The following HNRNPA2B1 variants were observed in gnomAD, a reference collection of about 807,000 sequenced individuals.
HNRNPA2B1 encodes the protein heterogeneous nuclear ribonucleoproteins A2/B1.
A neutral mutation model predicts 46.3 loss-of-function variants in HNRNPA2B1; 3 were observed. The observed-to-expected ratio is 0.06, with a 90% CI of 0.03 to 0.17. The LOEUF is 0.17. HNRNPA2B1 is among the 10% of genes least tolerant of loss of function. The pLI, the probability that HNRNPA2B1 is intolerant of heterozygous loss-of-function variation, is 1.00. For synonymous variants in HNRNPA2B1, 225 were observed against 133.8 expected (o/e 1.68, Z -4.70); for missense variants, 221 against 418.9 (o/e 0.53, Z 4.12).
rs756219376 is a variant in HNRNPA2B1, at chr7:26,192,507, GGAA to G, written c.*6_*8del. 21 of 1,610,878 alleles carry G rather than the reference GGAA, an allele frequency of 1.3e-5. No homozygotes were observed. The highest frequency in any genetic ancestry group is 1.7e-5 in the Admixed American group (1 of 59,998). ...AAAAGCTACTTACCCATGGCAAATA[GGAA>G]GAAGCTCAGTATCGGCTCCTCCCAC... On this transcript the variant is annotated 3_prime_UTR_variant, in exon 10 of 11. Transcript: ENST00000618183.
At chr7:26,196,733 A>T in intron 4 of HNRNPA2B1, 74 bp downstream of exon 4, 4 of 1,562,242 alleles carry the variant, frequency 2.6e-6, no homozygotes, top group Non-Finnish European at 3.5e-6. Flanking sequence ...ACCTTTCAAT[A>T]AAGTTACAGA....
At chr7:26,195,442 T>C (rs1783453669) in intron 7 of HNRNPA2B1, among the ~76,000 whole-genome samples, 1 of 152,274 alleles carries the variant, frequency 6.6e-6, no homozygotes, top group African/African-American at 2.4e-5. Flanking sequence ...TTACGCTTTT[T>C]GAAAGTTATC....
In HNRNPA2B1 at chr7:26,192,802, C is replaced by T. The variant is rs1451729247; in HGVS notation, c.965-225G>A. The stretch of plus-strand genomic sequence containing the variant: ...TCTTTTAAATAAAGGGTCCTTTCAC[C>T]CTCTCATCCTCATTTGGACTGAGTA... On this transcript the variant is annotated intron_variant, in intron 9 of 10. Coordinates refer to ENST00000618183, the MANE Select transcript of HNRNPA2B1 (RefSeq NM_002137.4). 2.0e-5 allele frequency among the ~76,000 whole-genome samples: 3 copies of T among 152,074 alleles called. No individual in the cohort carries two copies. In the East Asian group the frequency reaches 5.8e-4, roughly 29 times the overall value.
rs1784334539 is a variant in HNRNPA2B1, at chr7:26,200,681, C to T, written c.-104G>A. The T allele has an allele frequency of 4.2e-6, 6 of 1,422,948 alleles. No individual in the cohort carries two copies. Among genetic ancestry groups the T allele is most frequent in the Non-Finnish European group, 4.9e-6 (5 of 1,011,482 alleles). The allele number at this position is 1,422,948 out of a possible 1,614,324, so 88.1% of individuals were successfully genotyped here. A position where few individuals can be genotyped will look rare whatever the true frequency, so the allele number is the denominator to read the frequency against. ...ACTCGTCCTGGCGCTGTAGTGAGAA[C>T]TGCCGCTGCTCGAGAAACAACTCTG... On this transcript the variant is annotated 5_prime_UTR_variant, in exon 1 of 11. Coordinates refer to ENST00000618183, the MANE Select transcript of HNRNPA2B1 (RefSeq NM_002137.4).
At chr7:26,197,051 A>G (rs773736573) in intron 3 of HNRNPA2B1, 34 bp from the exon 4 acceptor site, 7 of 1,520,716 alleles carry the variant, frequency 4.6e-6, no homozygotes, top group African/African-American at 1.4e-5. Flanking sequence ...TCATCCAAAC[A>G]GAAAAAAACA....
rs772219484 is a variant in HNRNPA2B1, at chr7:26,191,410, A to G, written c.*950T>C. 3 of 152,204 alleles carry G rather than the reference A, an allele frequency of 2.0e-5. No individual in the cohort carries two copies. Among genetic ancestry groups the G allele is most frequent in the Non-Finnish European group, 4.4e-5 (3 of 68,014 alleles). The allele number at this position is 152,204 out of a possible 1,614,324, so 9.4% of individuals were successfully genotyped here. A position where few individuals can be genotyped will look rare whatever the true frequency, so the allele number is the denominator to read the frequency against. ...AGGAAAATTAAGAAAGGAAAAGTAA[A>G]TAAGATCTTACCTAAAGAAGTTTAA... On this transcript the variant is annotated 3_prime_UTR_variant, in exon 11 of 11. Transcript: ENST00000618183.
chr7:26,197,935 C>A (rs1783831194), intron 1 of HNRNPA2B1: 1 of 1,058,378 alleles, frequency 9.4e-7, no homozygotes, highest in East Asian at 2.8e-5. Flanking sequence ...TTGTGTTACA[C>A]CAAAAAATTG....
rs1405699696 is a variant in HNRNPA2B1, at chr7:26,190,561, G to A, written c.*1799C>T. ...GTCTTAGGATCAAAGAAGACTCATT[G>A]GTGTATAGAGTAAGCCCTGAGTATC... On this transcript the variant is annotated 3_prime_UTR_variant, in exon 11 of 11. Transcript: ENST00000618183. The A allele has an allele frequency of 1.3e-5, 2 of 152,184 alleles. No homozygotes were observed. Among genetic ancestry groups the A allele is most frequent in the Non-Finnish European group, 2.9e-5 (2 of 68,008 alleles). The allele number at this position is 152,184 out of a possible 1,614,324, so 9.4% of individuals were successfully genotyped here.
rs118013246 is a variant in HNRNPA2B1 at position 26,200,373 on chromosome 7, C to T, written c.6+199G>A. Reference sequence around the variant, plus strand: ...CACCCCCAGTGAAGGGAAATGGCGCCGGGAGGCTGAGGGTGGGGAAGCTGT... The same window carrying T: ...CACCCCCAGTGAAGGGAAATGGCGCTGGGAGGCTGAGGGTGGGGAAGCTGT... On this transcript the variant is annotated intron_variant, in intron 1 of 10. Coordinates refer to ENST00000618183, the MANE Select transcript of HNRNPA2B1 (RefSeq NM_002137.4). 2,528 of 648,066 alleles carry T rather than the reference C, an allele frequency of 3.9e-3. 62 individuals carry two copies. In the East Asian group the frequency reaches 0.04, roughly 10 times the overall value. The allele number at this position is 648,066 out of a possible 1,614,324, so 40.1% of individuals were successfully genotyped here.
Position 26,195,918 on chromosome 7 carries a change from G to A in HNRNPA2B1, c.659-9C>T, listed in dbSNP as rs753342691. ...TCCACTGCCATATCCATCTGTTAGGGGCCAAAAAAAGATTACGTTTACTAT... is the reference window on the plus strand; with the variant it reads ...TCCACTGCCATATCCATCTGTTAGGAGCCAAAAAAAGATTACGTTTACTAT... On this transcript the variant is annotated splice_polypyrimidine_tract_variant and intron_variant, in intron 6 of 10. Transcript: ENST00000618183. The A allele has an allele frequency of 1.4e-5, 22 of 1,597,464 alleles. No homozygotes were observed. Among genetic ancestry groups the A allele is most frequent in the South Asian group, 2.3e-5 (2 of 87,992 alleles).
chr7:26,193,491 T>C, intron 8 of HNRNPA2B1, 84 bp downstream of exon 8: 1 of 1,536,572 alleles, frequency 6.5e-7, no homozygotes, highest in Non-Finnish European at 8.8e-7. Flanking sequence ...GGGCATCTAG[T>C]GACAAACATG....
At chr7:26,196,137 C>T (rs1008926124) in intron 6 of HNRNPA2B1, among the ~76,000 whole-genome samples, 5 of 152,184 alleles carry the variant, frequency 3.3e-5, no homozygotes, top group African/African-American at 4.8e-5. Context: ...CCTATTTATA[C>T]GTAAGAATGA....
At chr7:26,200,495 G>A (rs1414470601) in intron 1 of HNRNPA2B1, 77 bp downstream of exon 1, 21 of 1,460,410 alleles carry the variant, frequency 1.4e-5, no homozygotes, top group East Asian at 2.3e-5. Context: ...CCACGGAGGC[G>A]GCTGGCCGAC....
intron 4 of HNRNPA2B1, 40 bp downstream of exon 4, chr7:26,196,767 A>G (rs750554791): frequency 6.3e-7 from 1 of 1,583,624 alleles, no homozygotes; most frequent in Admixed American, 1.7e-5. Flanking sequence ...AAAATTGAAT[A>G]CACTGGAAAA....
chr7:26,193,982 G>A (rs1233376926), intron 7 of HNRNPA2B1, among the ~76,000 whole-genome samples: 2 of 152,136 alleles, frequency 1.3e-5, no homozygotes, highest in Admixed American at 6.5e-5. Context: ...GTATATTGTG[G>A]GTAAGGACTG....
intron 6 of HNRNPA2B1, among the ~76,000 whole-genome samples, 186 bp downstream of exon 6, chr7:26,196,215 C>A (rs539910886): frequency 6.6e-6 from 1 of 152,196 alleles, no homozygotes; most frequent in African/African-American, 2.4e-5. Flanking sequence ...ATAAATACAA[C>A]TGTTATTAAT....
chr7:26,192,991 T>C (rs937775619), intron 9 of HNRNPA2B1, among the ~76,000 whole-genome samples: 11 of 152,172 alleles, frequency 7.2e-5, no homozygotes, highest in African/African-American at 1.9e-4. Flanking sequence ...TGCAACTGTA[T>C]TTAGCTGTTT....
In HNRNPA2B1 at chr7:26,197,868, T is replaced by TG. The variant is rs759915055; in HGVS notation, c.7-137dup. 2.2e-4 allele frequency: 345 copies of TG among 1,587,300 alleles called. No individual in the cohort carries two copies. The highest frequency in any genetic ancestry group is 1.1e-3 in the East Asian group (48 of 44,716). On this transcript the variant is annotated intron_variant, in intron 1 of 10. Coordinates refer to ENST00000618183, the MANE Select transcript of HNRNPA2B1 (RefSeq NM_002137.4). ...CAAAGGAACAGTTTCTAAAGTTTTC[T>TG]GGGGGGAAAAAAAAAACTTACATCA...
intron 1 of HNRNPA2B1, 46 bp from the exon 2 acceptor site, chr7:26,197,778 T>G: frequency 6.3e-7 from 1 of 1,596,204 alleles, no homozygotes; most frequent in Non-Finnish European, 8.6e-7. Context: ...ATTTTCCTCT[T>G]TGTATGCAGG....
Sources: gnomAD v4.1 joint callset for allele counts (sites outside exome capture counted in the v4.1 genomes callset) on GRCh38, gnomAD v4.1.1 for gene constraint, MANE v1.5 for transcripts, NCBI Gene and HGNC (gene_info 2026-07-23, HGNC 2026-07-21) for gene names.